IFFO1: variants seen among roughly 807,000 people sequenced by gnomAD.
The protein encoded by IFFO1 is non-homologous end joining factor IFFO1.
IFFO1 carries 42 observed loss-of-function variants against 59.6 expected under a neutral mutation model. The ratio of observed to expected loss-of-function variants is 0.70; its 90% CI spans 0.55 to 0.91. The LOEUF (loss-of-function observed/expected upper bound fraction) is 0.91, where lower values mean the gene tolerates loss of function less well. Among genes scored for constraint, IFFO1 ranks in the 40% least tolerant of loss-of-function variants. The pLI is 0.00. For synonymous variants in IFFO1, 336 were observed against 342.8 expected (o/e 0.98, Z 0.22); for missense variants, 711 against 793.2 (o/e 0.90, Z 1.24).
rs766395679 is a variant in IFFO1, at chr12:6,555,400, C to T, written c.630G>A (p.Glu210=). 3.7e-6 allele frequency: 6 copies of T among 1,614,132 alleles called. No homozygotes were observed. The South Asian group carries it at 6.6e-5, about 18-fold the overall frequency. The stretch of plus-strand genomic sequence containing the variant: ...AGCCAGGCCCTTGCACCAGAGTGGG[C>T]TCCAGTCCCGGCCCGAGCCGGCGGG... The part of the protein sequence containing the change: ...SHARRLGPGL[E]PTLVQGPGLS... Residue 210 remains glutamate, a synonymous_variant, in exon 1 of 10, where the codon GAG becomes GAA. Transcript: ENST00000619571. This position sits in a 1 kb window ranked among gnomAD's most constrained non-coding sequence, Gnocchi z 8.6.
intron 8 of IFFO1, among the ~76,000 whole-genome samples, chr12:6,545,838 G>A (rs1000043749): frequency 2.0e-5 from 3 of 152,196 alleles, no homozygotes; most frequent in Admixed American, 2.0e-4. Flanking sequence ...TCGTGGTATG[G>A]CAGTGCCCGT....
chr12:6,551,306 T>C (rs1947222223), intron 1 of IFFO1: 1 of 743,492 alleles, frequency 1.3e-6, no homozygotes. Flanking sequence ...CCATCCCTGC[T>C]CAGGCCCCAG....
chr12:6,555,538 G>A lies in IFFO1; in HGVS notation c.492C>T (p.Ala164=). The A allele has an allele frequency of 6.5e-7, 1 of 1,543,526 alleles. No individual in the cohort carries two copies. Among genetic ancestry groups the A allele is most frequent in the South Asian group, 1.2e-5 (1 of 83,914 alleles). Residue 164 remains alanine (A), a synonymous_variant, in exon 1 of 10, where the codon GCC becomes GCT. Transcript: ENST00000619571. This position sits in a 1 kb window ranked among gnomAD's most constrained non-coding sequence, Gnocchi z 8.6. The stretch of plus-strand genomic sequence containing the variant: ...TGGCCGCGGAGGGCGCGAGGGGGCC[G>A]GCCGGGGAGCGCGCGGGCGAGCCCA... ...RVLGSPARSP[A]GPLAPSAASL...
At position 6,555,869 on chromosome 12, in the gene IFFO1, G is replaced by C; in HGVS notation, c.161C>G (p.Pro54Arg). The change falls in exon 1 of 10, where the codon CCC (proline) becomes CGC (arginine). Residue 54 changes from proline to arginine, a missense_variant. Pro to Arg is a moderately radical substitution (Grantham distance 103). Transcript: ENST00000619571. The surrounding 1 kb of genome is among the most constrained non-coding windows in gnomAD (Gnocchi z 8.6). ...SPAGPAAYSP[P>R]GPGPAPPAAM... ...GGCAGGCGGGGCCGGGCCCGGCCCG[G>C]GCGGCGAGTAGGCAGCAGGGCCGGC... is the stretch of plus-strand genomic sequence containing the variant. The C allele has an allele frequency of 6.2e-7, 1 of 1,606,380 alleles. No homozygotes were observed. The highest frequency in any genetic ancestry group is 8.5e-7 in the Non-Finnish European group (1 of 1,177,936).
rs985453364 is a variant in IFFO1, at chr12:6,540,350, G to A, written c.*133C>T. ...CCAAGACTGAGGGAGAAAGCCTGAG[G>A]GAGGAGCGCCCCAGTCCCCAGGGAC... On this transcript the variant is annotated 3_prime_UTR_variant, in exon 10 of 10. Coordinates refer to ENST00000619571, the MANE Select transcript of IFFO1 (RefSeq NM_001193457.2). The A allele has an allele frequency of 1.3e-6, 1 of 747,284 alleles. No homozygotes were observed. 46.3% of individuals were successfully genotyped at this position (747,284 alleles called of 1,614,324 possible).
chr12:6,553,728 C>T lies in IFFO1; in HGVS notation c.773+1529G>A, dbSNP rs565716154. Among the ~76,000 whole-genome samples the T allele has an allele frequency of 6.6e-5, 10 of 152,272 alleles. 1 individual carries two copies. The South Asian group carries it at 1.2e-3, about 19-fold the overall frequency. On this transcript the variant is annotated intron_variant, in intron 1 of 9. Coordinates refer to ENST00000619571, the MANE Select transcript of IFFO1 (RefSeq NM_001193457.2). ...ATGAGGCTGCAGTGAGCTGTGATGA[C>T]GCTACTGCACTCCAGCCCGGATGAC...
intron 1 of IFFO1, chr12:6,551,392 T>C: frequency 7.7e-7 from 1 of 1,305,584 alleles, no homozygotes; most frequent in Non-Finnish European, 1.0e-6. Flanking sequence ...CGGCCCAGTC[T>C]CCCACCTTCA....
intron 8 of IFFO1, among the ~76,000 whole-genome samples, chr12:6,545,890 C>T (rs1946940212): frequency 6.6e-6 from 1 of 152,118 alleles, no homozygotes; most frequent in Non-Finnish European, 1.5e-5. Flanking sequence ...GGCCCCAAAG[C>T]ACAAGAGTAG....
In IFFO1 at chr12:6,549,585, C is replaced by T. The variant is rs139544384; in HGVS notation, c.1072-101G>A. 58 of 1,330,550 alleles carry T rather than the reference C, an allele frequency of 4.4e-5. No homozygotes were observed. Among genetic ancestry groups the T allele is most frequent in the Middle Eastern group, 3.9e-4 (2 of 5,188 alleles). The allele number at this position is 1,330,550 out of a possible 1,614,324, so 82.4% of individuals were successfully genotyped here. On this transcript the variant is annotated intron_variant, in intron 4 of 9. Coordinates refer to ENST00000619571, the MANE Select transcript of IFFO1 (RefSeq NM_001193457.2). The surrounding 1 kb of genome is among the most constrained non-coding windows in gnomAD (Gnocchi z 5.0). Reference sequence around the variant, plus strand: ...GAGACGGCGTTAGAGACAGCTTCCACGATGCCCCTCCTGATGCTGCTCCTT... The same window carrying T: ...GAGACGGCGTTAGAGACAGCTTCCATGATGCCCCTCCTGATGCTGCTCCTT...
chr12:6,549,077 G>A lies in IFFO1; in HGVS notation c.1081-228C>T. The A allele has an allele frequency of 1.7e-6, 1 of 581,244 alleles. No homozygotes were observed. Among genetic ancestry groups the A allele is most frequent in the Non-Finnish European group, 3.0e-6 (1 of 329,074 alleles). The allele number at this position is 581,244 out of a possible 1,614,324, so 36.0% of individuals were successfully genotyped here. A position where few individuals can be genotyped will look rare whatever the true frequency, so the allele number is the denominator to read the frequency against. ...AGGCAGAACAAGAAGAAATCGAGAA[G>A]AAGAGCAGTCAGACAAGGAAGGAAG... On this transcript the variant is annotated intron_variant, in intron 5 of 9. Transcript: ENST00000619571. The surrounding 1 kb of genome is among the most constrained non-coding windows in gnomAD (Gnocchi z 5.0).
chr12:6,540,046 C>CT lies in IFFO1; in HGVS notation c.*436dup, dbSNP rs200193221. ...GTGTGCTGCAGAGGCCATGCGTAGC[C>CT]TCCAGCTGCATTCTATTCCACTCCA... On this transcript the variant is annotated 3_prime_UTR_variant, in exon 10 of 10. Coordinates refer to ENST00000619571, the MANE Select transcript of IFFO1 (RefSeq NM_001193457.2). 0.011 allele frequency: 2,563 copies of CT among 230,014 alleles called. 28 individuals carry two copies. The highest frequency in any genetic ancestry group is 0.014 in the Non-Finnish European group (1,615 of 113,078). The allele number at this position is 230,014 out of a possible 1,614,324, so 14.2% of individuals were successfully genotyped here. A position where few individuals can be genotyped will look rare whatever the true frequency, so the allele number is the denominator to read the frequency against.
chr12:6,550,591 G>A (rs1947186792), intron 3 of IFFO1, 104 bp downstream of exon 3: 1 of 769,862 alleles, frequency 1.3e-6, no homozygotes, highest in African/African-American at 1.7e-5. Flanking sequence ...AAGAGAAGGG[G>A]AGGAGCCGTG....
In IFFO1 at chr12:6,544,165, C is replaced by CTTTT. The variant is rs531995265; in HGVS notation, c.1480-2527_1480-2524dup. ...GGAGGAGTCAGATGATTTGAAAATA[C>CTTTT]TTTTTTTTTTTTTTTTCCTGAGATG... On this transcript the variant is annotated intron_variant, in intron 8 of 9. Transcript: ENST00000619571. Among the ~76,000 whole-genome samples, 84 of 136,704 alleles carry CTTTT rather than the reference C, an allele frequency of 6.1e-4. 5 individuals carry two copies. The highest frequency in any genetic ancestry group is 1.5e-3 in the East Asian group (7 of 4,664). The allele number at this position is 136,704 out of a possible 152,430, so 89.7% of individuals were successfully genotyped here. A position where few individuals can be genotyped will look rare whatever the true frequency, so the allele number is the denominator to read the frequency against.
At position 6,555,326 on chromosome 12, in the gene IFFO1, G is replaced by T. The variant is rs868139650; in HGVS notation, c.704C>A (p.Thr235Lys). ...DGVGVQIDTI[T>K]PEIRALYNVL... ...GTTGTAGAGAGCGCGGATCTCGGGC[G>T]TGATGGTGTCGATCTGGACGCCCAC... The change falls in exon 1 of 10, where the codon ACG becomes AAG. Residue 235 changes from threonine to lysine, a missense_variant. Physicochemically the swap from Thr to Lys is moderately conservative, Grantham distance 78. Around this residue, in one of 3 missense-constraint regions of IFFO1, gnomAD observed 579 missense variants for 650.3 expected, o/e 0.89. Coordinates refer to ENST00000619571, the MANE Select transcript of IFFO1 (RefSeq NM_001193457.2). The surrounding 1 kb of genome is among the most constrained non-coding windows in gnomAD (Gnocchi z 8.6). 6.2e-7 allele frequency: 1 copy of T among 1,614,208 alleles called. No individual in the cohort carries two copies. Among genetic ancestry groups the T allele is most frequent in the South Asian group, 1.1e-5 (1 of 91,088 alleles).
Position 6,540,145 on chromosome 12 carries a change from C to G in IFFO1, c.*338G>C. On this transcript the variant is annotated 3_prime_UTR_variant, in exon 10 of 10. Coordinates refer to ENST00000619571, the MANE Select transcript of IFFO1 (RefSeq NM_001193457.2). ...GACAACAGGGATGGAGGAAAGGTCC[C>G]ACATTCACATTCCTGATACGTGGAC... 4.9e-6 allele frequency: 2 copies of G among 404,672 alleles called. No individual in the cohort carries two copies. Among genetic ancestry groups the G allele is most frequent in the South Asian group, 5.0e-5 (2 of 39,840 alleles). The allele number at this position is 404,672 out of a possible 1,614,324, so 25.1% of individuals were successfully genotyped here. A position where few individuals can be genotyped will look rare whatever the true frequency, so the allele number is the denominator to read the frequency against.
intron 8 of IFFO1, chr12:6,544,732 G>C (rs944171783): frequency 6.6e-6 from 1 of 152,216 alleles, no homozygotes; most frequent in African/African-American, 2.4e-5. Context: ...AGACGGGAGG[G>C]TGGGGAGTAC....
Position 6,555,851 on chromosome 12 carries a change from G to T in IFFO1, c.179C>A (p.Pro60Gln), listed in dbSNP as rs867248785. Residue 60 changes from proline to glutamine, a missense_variant, in exon 1 of 10, where the codon CCG (proline) becomes CAG (glutamine). By Grantham distance (76) the Pro-to-Gln change is moderately conservative. Around this residue, in one of 3 missense-constraint regions of IFFO1, gnomAD observed 114 missense variants for 102.4 expected, o/e 1.11. Coordinates refer to ENST00000619571, the MANE Select transcript of IFFO1 (RefSeq NM_001193457.2). The surrounding 1 kb of genome is among the most constrained non-coding windows in gnomAD (Gnocchi z 8.6). The part of the protein sequence containing the change: ...AYSPPGPGPA[P>Q]PAAMALRNDL... ...ATTGCGGAGGGCCATGGCGGCAGGC[G>T]GGGCCGGGCCCGGCCCGGGCGGCGA... 1 of 1,609,484 alleles carries T rather than the reference G, an allele frequency of 6.2e-7. No individual in the cohort carries two copies. Among genetic ancestry groups the T allele is most frequent in the South Asian group, 1.1e-5 (1 of 90,902 alleles).
intron 9 of IFFO1, 67 bp from the exon 10 acceptor site, chr12:6,540,655 C>T (rs1946667124): frequency 1.5e-6 from 2 of 1,298,998 alleles, no homozygotes; most frequent in Non-Finnish European, 2.2e-6. Flanking sequence ...GGCACTCCTC[C>T]TCCTGCTGCC....
At chr12:6,542,126 C>T (rs1405712004) in intron 8 of IFFO1, among the ~76,000 whole-genome samples, 1 of 152,168 alleles carries the variant, frequency 6.6e-6, no homozygotes, top group Non-Finnish European at 1.5e-5. Flanking sequence ...CTCTGTGACC[C>T]GTGGCATACA....
Sources: gnomAD v4.1 joint callset for allele counts (sites outside exome capture counted in the v4.1 genomes callset) on GRCh38, gnomAD v4.1.1 for gene constraint, gnomAD v4.1.1 regional missense constraint, Gnocchi (gnomAD v3.1) non-coding constraint, MANE v1.5 for transcripts, NCBI Gene and HGNC (gene_info 2026-07-23, HGNC 2026-07-21) for gene names.